The following KTN1 variants were observed in gnomAD, a reference collection of about 807,000 sequenced individuals.
KTN1 encodes kinectin.
A neutral mutation model predicts 222.5 loss-of-function variants in KTN1; 130 were observed. The observed-to-expected ratio is 0.58, with a 90% CI of 0.51 to 0.68. KTN1 has a LOEUF of 0.68. KTN1 is among the 30% of genes least tolerant of loss of function. The probability of loss-of-function intolerance (pLI) is 0.00; values close to 1 mark genes in which losing one functional copy is unlikely to be tolerated. For missense variants in KTN1, 1,508 were observed against 1,500.4 expected (o/e 1.01, Z -0.08); for synonymous variants, 512 against 496.3 (o/e 1.03, Z -0.42).
intron 7 of KTN1, among the ~76,000 whole-genome samples, chr14:55,630,815 G>T (rs2040419438): frequency 6.6e-6 from 1 of 152,172 alleles, no homozygotes; most frequent in Non-Finnish European, 1.5e-5. Flanking sequence ...GGGATAGTTG[G>T]AACACTTTGC....
chr14:55,656,981 C>T (rs1286574082), intron 29 of KTN1, among the ~76,000 whole-genome samples: 3 of 152,132 alleles, frequency 2.0e-5, no homozygotes, highest in African/African-American at 7.2e-5. Flanking sequence ...AATATCTTAC[C>T]TTCATGCAGT....
At chr14:55,635,327 T>C (rs1209650489) in intron 9 of KTN1, among the ~76,000 whole-genome samples, 3 of 152,176 alleles carry the variant, frequency 2.0e-5, no homozygotes, top group Non-Finnish European at 4.4e-5. Flanking sequence ...GGGTCTACAG[T>C]ATAGGGCAGA....
chr14:55,602,940 A>G (rs1431670654), intron 1 of KTN1, among the ~76,000 whole-genome samples: 1 of 152,202 alleles, frequency 6.6e-6, no homozygotes, highest in Non-Finnish European at 1.5e-5. Context: ...TAAAGAGAAT[A>G]GTAGCATTAG....
chr14:55,648,952 G>C, intron 21 of KTN1, 82 bp downstream of exon 21: 1 of 981,056 alleles, frequency 1.0e-6, no homozygotes, highest in Non-Finnish European at 1.6e-6. Context: ...AAGAAACGGG[G>C]TCTTGCTCTT....
chr14:55,607,102 A>G (rs1186292837), intron 1 of KTN1, among the ~76,000 whole-genome samples: 1 of 152,158 alleles, frequency 6.6e-6, no homozygotes, highest in Non-Finnish European at 1.5e-5. Context: ...CCAGATTTTT[A>G]TATCACTTAA....
chr14:55,631,630 A>G (rs1262285818), intron 7 of KTN1, among the ~76,000 whole-genome samples: 1 of 151,996 alleles, frequency 6.6e-6, no homozygotes, highest in Non-Finnish European at 1.5e-5. Flanking sequence ...AAAAAATTAA[A>G]AAGTTTGCCA....
In KTN1 at chr14:55,640,007, T is replaced by C. The variant is rs1020008982; in HGVS notation, c.1914+4T>C. The C allele has an allele frequency of 1.3e-6, 2 of 1,521,840 alleles. No homozygotes were observed. Among genetic ancestry groups the C allele is most frequent in the Non-Finnish European group, 1.8e-6 (2 of 1,099,094 alleles). The allele number at this position is 1,521,840 out of a possible 1,614,324, so 94.3% of individuals were successfully genotyped here. A position where few individuals can be genotyped will look rare whatever the true frequency, so the allele number is the denominator to read the frequency against. On this transcript the variant is annotated splice_donor_region_variant and intron_variant, in intron 14 of 43. Transcript: ENST00000395314. The stretch of plus-strand genomic sequence containing the variant: ...AAGTAAAGAAGAGGAACTTAAGGTA[T>C]AGTAATTTGTATAAATGGCTGCAAT...
Position 55,605,766 on chromosome 14 carries a change from A to G in KTN1, c.-30-6253A>G, listed in dbSNP as rs541245648. ...AGGATATATCTGCAATATAACACGC[A>G]TACTGTATTTGAAGGTTATCAACTA... On this transcript the variant is annotated intron_variant, in intron 1 of 43. Coordinates refer to ENST00000395314, the MANE Select transcript of KTN1 (RefSeq NM_001079521.2). Among the ~76,000 whole-genome samples, 8 of 152,326 alleles carry G rather than the reference A, an allele frequency of 5.3e-5. No homozygotes were observed. The South Asian group carries it at 1.5e-3, about 28-fold the overall frequency.
intron 30 of KTN1, 107 bp from the exon 31 acceptor site, chr14:55,659,559 C>A (rs532600570): frequency 2.0e-5 from 15 of 745,992 alleles, no homozygotes; most frequent in South Asian, 2.0e-4. Context: ...GAAATATATA[C>A]TATTTTTACT....
chr14:55,680,539 G>A, intron 43 of KTN1: 2 of 507,334 alleles, frequency 3.9e-6, no homozygotes, highest in Non-Finnish European at 8.1e-6. Flanking sequence ...AGACCCTGAG[G>A]GGCAACTCAT....
In KTN1 at chr14:55,616,628, C is replaced by T. The variant is rs1443748711; in HGVS notation, c.635C>T (p.Ser212Leu). ...AGTGGATCAGGGAAGAAGAAAGCTTCATCAAAGAAACAAAAGACAGAAAAT... is the reference window on the plus strand; with the variant it reads ...AGTGGATCAGGGAAGAAGAAAGCTTTATCAAAGAAACAAAAGACAGAAAAT... Reference protein sequence around the residue: ...QESGSGKKKASSKKQKTENVF... With the variant: ...QESGSGKKKALSKKQKTENVF... The change falls in exon 3 of 44, where the codon TCA becomes TTA. Residue 212 changes from serine (S) to leucine (L), a missense_variant. By Grantham distance (145) the Ser-to-Leu change is moderately radical. Transcript: ENST00000395314. The T allele has an allele frequency of 2.5e-6, 4 of 1,595,354 alleles. No homozygotes were observed. Among genetic ancestry groups the T allele is most frequent in the Middle Eastern group, 1.7e-4 (1 of 5,914 alleles).
chr14:55,617,694 A>C (rs2038580367), intron 3 of KTN1, among the ~76,000 whole-genome samples: 1 of 152,246 alleles, frequency 6.6e-6, no homozygotes, highest in African/African-American at 2.4e-5. Context: ...TTAAGGATGC[A>C]TAAAAAGTTT....
At chr14:55,589,398 C>T (rs924910698) in intron 1 of KTN1, among the ~76,000 whole-genome samples, 28 of 151,482 alleles carry the variant, frequency 1.8e-4, no homozygotes, top group Non-Finnish European at 3.5e-4. Flanking sequence ...TCACTGCAAC[C>T]TCTGCCTCCT....
Position 55,673,178 on chromosome 14 carries a change from G to T in KTN1, c.3694G>T (p.Asp1232Tyr), listed in dbSNP as rs754702168. 1 of 1,612,102 alleles carries T rather than the reference G, an allele frequency of 6.2e-7. No individual in the cohort carries two copies. Among genetic ancestry groups the T allele is most frequent in the Non-Finnish European group, 8.5e-7 (1 of 1,178,550 alleles). ...ACTCTAAACTTCATTGCAGCTGAAA[G>T]ATCTGTTGACTGAATTGCAGAAAAA... ...TYVTEVRELK[D>Y]LLTELQKKLD... is the part of the protein sequence containing the mutation. The change falls in exon 40 of 44, where the codon GAT becomes TAT. Residue 1232 changes from aspartate (D) to tyrosine (Y), a missense_variant. Physicochemically the swap from Asp to Tyr is radical, Grantham distance 160. Transcript: ENST00000395314.
At chr14:55,610,096 G>A (rs1464992736) in intron 1 of KTN1, among the ~76,000 whole-genome samples, 7 of 152,216 alleles carry the variant, frequency 4.6e-5, no homozygotes, top group Admixed American at 4.6e-4. Context: ...AGTAAATCTA[G>A]GGTATAACTA....
At chr14:55,611,731 T>C (rs1299578367) in intron 1 of KTN1, among the ~76,000 whole-genome samples, 1 of 152,166 alleles carries the variant, frequency 6.6e-6, no homozygotes, top group Non-Finnish European at 1.5e-5. Context: ...GAAAAGAAAG[T>C]AATGAATATT....
chr14:55,661,274 G>C, intron 31 of KTN1: 1 of 315,502 alleles, frequency 3.2e-6, no homozygotes, highest in Non-Finnish European at 5.7e-6. Context: ...TTTCTTAGGG[G>C]ATGAGATTTC....
At chr14:55,590,018 A>G (rs1351387242) in intron 1 of KTN1, among the ~76,000 whole-genome samples, 1 of 152,270 alleles carries the variant, frequency 6.6e-6, no homozygotes, top group Non-Finnish European at 1.5e-5. Flanking sequence ...AACAAAAAAA[A>G]CCACACATAC....
chr14:55,603,885 G>A (rs1228303290), intron 1 of KTN1, among the ~76,000 whole-genome samples: 2 of 152,110 alleles, frequency 1.3e-5, no homozygotes, highest in African/African-American at 4.8e-5. Context: ...ATTGCCTTTG[G>A]CTTTGTTTAT....
Sources: allele counts gnomAD v4.1 joint callset (sites outside exome capture counted in the v4.1 genomes callset), GRCh38; gene constraint gnomAD v4.1.1; transcripts MANE v1.5; gene names NCBI Gene and HGNC (gene_info 2026-07-23, HGNC 2026-07-21).